C5: variants seen among roughly 807,000 people sequenced by gnomAD.
The protein encoded by C5 is C3 and PZP-like alpha-2-macroglobulin domain-containing protein 4.
C5 carries 140 observed loss-of-function variants against 218.8 expected under a neutral mutation model. The observed-to-expected ratio is 0.64, with a 90% CI of 0.56 to 0.74. C5 has a LOEUF of 0.74. C5 is among the 30% of genes least tolerant of loss of function. The pLI is 0.00. For missense variants in C5, 1,700 were observed against 1,969.6 expected (o/e 0.86, Z 2.59); for synonymous variants, 614 against 682.3 (o/e 0.90, Z 1.56).
In C5 at chr9:121,020,044, C is replaced by T; in HGVS notation, c.1438G>A (p.Glu480Lys). Residue 480 changes from glutamate to lysine, a missense_variant, in exon 12 of 41, where the codon GAA (glutamate) becomes AAA (lysine). Transcript: ENST00000223642. ...GGGGTAACAATAATATTCAGATGTTCTCCCACTAGCAAAGCCTTATGGTTA... is the reference window on the plus strand; with the variant it reads ...GGGGTAACAATAATATTCAGATGTTTTCCCACTAGCAAAGCCTTATGGTTA... ...TDNHKALLVG[E>K]HLNIIVTPKS... 6.2e-7 allele frequency: 1 copy of T among 1,612,880 alleles called. No homozygotes were observed. Among genetic ancestry groups the T allele is most frequent in the Non-Finnish European group, 8.5e-7 (1 of 1,179,002 alleles).
intron 17 of C5, among the ~76,000 whole-genome samples, chr9:121,009,029 T>G (rs1043688419): frequency 2.0e-5 from 3 of 152,244 alleles, no homozygotes; most frequent in Admixed American, 2.0e-4. Context: ...AATGATTTTT[T>G]TCTTAAATTG....
intron 38 of C5, among the ~76,000 whole-genome samples, chr9:120,959,707 C>T (rs950652105): frequency 6.6e-6 from 1 of 152,240 alleles, no homozygotes; most frequent in Non-Finnish European, 1.5e-5. Flanking sequence ...AAGGCTACAA[C>T]TGTACTTGAA....
intron 8 of C5, 44 bp from the exon 9 acceptor site, chr9:121,025,624 T>G (rs1322731886): frequency 5.0e-6 from 8 of 1,587,020 alleles, no homozygotes; most frequent in Admixed American, 1.7e-5. Context: ...GGAGAAGAAC[T>G]TATAAGGAAA....
At chr9:121,054,924 C>G (rs1454383060), upstream of C5, among the ~76,000 whole-genome samples, 2 of 152,064 alleles carry the variant, frequency 1.3e-5, no homozygotes, top group Non-Finnish European at 2.9e-5. Flanking sequence ...TCTCGGAGGG[C>G]TGCTACCTAT....
chr9:121,049,437 G>A (rs1259003085), intron 1 of C5, among the ~76,000 whole-genome samples: 1 of 152,082 alleles, frequency 6.6e-6, no homozygotes, highest in Non-Finnish European at 1.5e-5. Context: ...AAAAAAGAAT[G>A]ACATCCTAAG....
At chr9:121,025,168 C>T (rs2047408782) in intron 9 of C5, among the ~76,000 whole-genome samples, 1 of 152,122 alleles carries the variant, frequency 6.6e-6, no homozygotes, top group South Asian at 2.1e-4. Flanking sequence ...AGAGAGCCTG[C>T]AGAACTACTT....
the C5 span, among the ~76,000 whole-genome samples, chr9:121,064,391 T>C: frequency 6.6e-6 from 1 of 152,172 alleles, no homozygotes; most frequent in African/African-American, 2.4e-5. Context: ...TTTCTTTGAG[T>C]GTTTTGTTAA....
chr9:121,053,934 G>C (rs1369118472), upstream of C5, among the ~76,000 whole-genome samples: 1 of 152,122 alleles, frequency 6.6e-6, no homozygotes, highest in Non-Finnish European at 1.5e-5. Context: ...AAAGTGGTCT[G>C]AGGTCCTGAG....
At chr9:120,983,820 G>C (rs949195242) in intron 25 of C5, among the ~76,000 whole-genome samples, 14 of 151,580 alleles carry the variant, frequency 9.2e-5, no homozygotes, top group Admixed American at 9.2e-4. Flanking sequence ...AAATCCAAAA[G>C]CACAAAGGGA....
chr9:120,984,531 C>T (rs1165391946), intron 25 of C5, among the ~76,000 whole-genome samples: 2 of 151,988 alleles, frequency 1.3e-5, no homozygotes, highest in Non-Finnish European at 2.9e-5. Flanking sequence ...GGCCAGGCTG[C>T]CTCTCCACTT....
intron 20 of C5, 97 bp downstream of exon 20, chr9:121,005,822 G>T: frequency 8.0e-7 from 1 of 1,251,954 alleles, no homozygotes; most frequent in South Asian, 1.2e-5. Context: ...GAACTGAGTT[G>T]AACTTCTACT....
intron 22 of C5, among the ~76,000 whole-genome samples, chr9:120,995,771 A>G (rs2047111446): frequency 6.6e-6 from 1 of 151,228 alleles, no homozygotes; most frequent in Non-Finnish European, 1.5e-5. Context: ...AGATTATAGT[A>G]GTTGTACTAT....
rs566156443 is a variant in C5 at position 120,974,876 on chromosome 9, A to G, written c.3920T>C (p.Leu1307Pro). The change falls in exon 30 of 41, where the codon CTC becomes CCC. Residue 1307 changes from leucine to proline, a missense_variant. By Grantham distance (98) the Leu-to-Pro change is moderately conservative. Transcript: ENST00000223642. ...AACATCGATGTCCATACTCAAGCGG[A>G]GTTGTTTAACCAGGAGTGAATATTC... ...LTEYSLLVKQ[L>P]RLSMDIDVSY... The G allele has an allele frequency of 6.2e-7, 1 of 1,614,150 alleles. No individual in the cohort carries two copies. Among genetic ancestry groups the G allele is most frequent in the South Asian group, 1.1e-5 (1 of 91,088 alleles).
chr9:121,014,810 T>A (rs2047292460), intron 16 of C5, among the ~76,000 whole-genome samples: 2 of 152,158 alleles, frequency 1.3e-5, no homozygotes, highest in Admixed American at 6.5e-5. Context: ...TACTAACAGT[T>A]AAATATATGA....
At chr9:121,072,851 T>C in the C5 span, among the ~76,000 whole-genome samples, 1,653 of 148,906 alleles carry the variant, frequency 0.011, 36 homozygotes, top group African/African-American at 0.039. Flanking sequence ...AAAAAATGAA[T>C]GTAATCTCCT....
chr9:121,026,114 T>C (rs7033790), intron 8 of C5, among the ~76,000 whole-genome samples: 114,083 of 152,032 alleles, frequency 0.75, 43,249 homozygotes, highest in East Asian at 0.99. Flanking sequence ...CTTATTTAGC[T>C]TTACATCCCA....
chr9:120,997,895 C>T (rs13297393), intron 20 of C5, 121 bp from the exon 21 acceptor site: 349,364 of 760,200 alleles, frequency 0.46, 84,016 homozygotes, highest in South Asian at 0.64. Context: ...CTCCGCCTCC[C>T]GGATTCAAGC....
At chr9:120,989,381 G>T (rs556149022) in intron 24 of C5, among the ~76,000 whole-genome samples, 187 bp downstream of exon 24, 5 of 152,198 alleles carry the variant, frequency 3.3e-5, no homozygotes, top group African/African-American at 4.8e-5. Context: ...TCTCATTCAG[G>T]CATTTTGGTA....
chr9:121,059,007 G>A, the C5 span, among the ~76,000 whole-genome samples: 1 of 152,230 alleles, frequency 6.6e-6, no homozygotes, highest in Non-Finnish European at 1.5e-5. The surrounding 1 kb of genome is among the most constrained non-coding windows in gnomAD (Gnocchi z 4.1). Flanking sequence ...GAGGTGGAAA[G>A]AGTCAGAGAA....
Sources: gnomAD v4.1 joint callset for allele counts (sites outside exome capture counted in the v4.1 genomes callset) on GRCh38, gnomAD v4.1.1 for gene constraint, Gnocchi (gnomAD v3.1) non-coding constraint, MANE v1.5 for transcripts, NCBI Gene and HGNC (gene_info 2026-07-23, HGNC 2026-07-21) for gene names.